Variants in BCL2L14 observed in about 807,000 individuals in gnomAD.
BCL2L14 encodes the protein apoptosis facilitator Bcl-2-like protein 14.
In BCL2L14, 27 loss-of-function variants were observed where a neutral mutation model predicts 35.3. The ratio of observed to expected loss-of-function variants is 0.76; its 90% CI spans 0.56 to 1.05. The LOEUF (loss-of-function observed/expected upper bound fraction) is 1.05. BCL2L14 is among the 50% of genes least tolerant of loss of function. The probability of loss-of-function intolerance (pLI) is 0.00; values close to 1 mark genes in which losing one functional copy is unlikely to be tolerated. For missense variants in BCL2L14, 377 were observed against 382.6 expected (o/e 0.99, Z 0.12); for synonymous variants, 139 against 145.9 (o/e 0.95, Z 0.34).
chr12:12,050,793 TAAAAAA>T (rs3052084), intron 1 of BCL2L14, among the ~76,000 whole-genome samples: 1 of 88,332 alleles, frequency 1.1e-5, no homozygotes, highest in Non-Finnish European at 2.1e-5. Flanking sequence ...GCTGATGAGC[TAAAAAA>T]AAAAAAAAAA....
At chr12:12,087,182 G>C in intron 2 of BCL2L14, 31 bp from the exon 3 acceptor site, 1 of 1,608,180 alleles carries the variant, frequency 6.2e-7, no homozygotes, top group East Asian at 2.2e-5. Context: ...TTCTGGGAAG[G>C]GCCTCTCAGC....
chr12:12,094,908 G>A lies in BCL2L14; in HGVS notation c.923G>A (p.Trp308Ter), dbSNP rs1296807021. ...TKYLKENFSP[W>*]IQQHGGWEKI... The stretch of plus-strand genomic sequence containing the variant: ...TACCTGAAAGAGAACTTCTCGCCAT[G>A]GATCCAGCAGCACGGTGGATGGGTA... The change falls in exon 5 of 6, where the codon TGG becomes TAG. Residue 308 changes from tryptophan (W) to a stop codon, truncating the protein, a stop_gained. Transcript: ENST00000308721. LOFTEE classifies it high-confidence loss of function. 1 of 1,613,772 alleles carries A rather than the reference G, an allele frequency of 6.2e-7. No homozygotes were observed. Among genetic ancestry groups the A allele is most frequent in the East Asian group, 2.2e-5 (1 of 44,880 alleles).
intron 3 of BCL2L14, among the ~76,000 whole-genome samples, chr12:12,089,175 T>C (rs1261324103): frequency 1.3e-5 from 2 of 152,184 alleles, no homozygotes; most frequent in East Asian, 3.9e-4. Context: ...AAGACCAGCC[T>C]GGCCAACATG....
intron 2 of BCL2L14, among the ~76,000 whole-genome samples, chr12:12,062,041 C>T (rs1019288662): frequency 6.6e-6 from 1 of 152,104 alleles, no homozygotes; most frequent in Admixed American, 6.5e-5. Flanking sequence ...GCAGTGGCTG[C>T]TGCCGCCCTA....
intron 2 of BCL2L14, among the ~76,000 whole-genome samples, chr12:12,084,071 A>T (rs1279657957): frequency 6.6e-6 from 1 of 152,190 alleles, no homozygotes; most frequent in Non-Finnish European, 1.5e-5. Flanking sequence ...AAGGAAGCAA[A>T]GGAAGGGCAA....
At position 12,079,565 on chromosome 12, in the gene BCL2L14, G is replaced by T. The variant is rs745802687; in HGVS notation, c.260G>T (p.Gly87Val). Reference protein sequence around the residue: ...SQSSEKAINLGKKKSSWKAFF... With the variant: ...SQSSEKAINLVKKKSSWKAFF... The stretch of plus-strand genomic sequence containing the variant: ...TCCAGTGAGAAGGCCATAAACCTTG[G>T]CAAGAAAAAGTCTTCTTGGAAAGCA... Residue 87 changes from glycine (G) to valine (V), a missense_variant, in exon 2 of 6, where the codon GGC becomes GTC. Coordinates refer to ENST00000308721, the MANE Select transcript of BCL2L14 (RefSeq NM_138723.2). 13 of 1,614,064 alleles carry T rather than the reference G, an allele frequency of 8.1e-6. No individual in the cohort carries two copies. The highest frequency in any genetic ancestry group is 1.7e-5 in the Admixed American group (1 of 59,986).
Position 12,087,486 on chromosome 12 carries a change from T to C in BCL2L14, c.607+100T>C, listed in dbSNP as rs943238998. On this transcript the variant is annotated intron_variant, in intron 3 of 5. Transcript: ENST00000308721. Reference sequence around the variant, plus strand: ...GGCTCGGCAACTTGACAGTCTCCGCTGCCTGGACTGAGGGCTTGACAGCCA... The same window carrying C: ...GGCTCGGCAACTTGACAGTCTCCGCCGCCTGGACTGAGGGCTTGACAGCCA... The C allele has an allele frequency of 3.0e-6, 4 of 1,321,006 alleles. No individual in the cohort carries two copies. The African/African-American group carries it at 5.9e-5, about 19-fold the overall frequency. 81.8% of individuals were successfully genotyped at this position (1,321,006 alleles called of 1,614,324 possible).
chr12:12,060,207 C>T (rs1408557687), intron 2 of BCL2L14, among the ~76,000 whole-genome samples: 1 of 151,448 alleles, frequency 6.6e-6, no homozygotes, highest in African/African-American at 2.4e-5. Flanking sequence ...TAGCCCTCCC[C>T]CTCCTGCCCA....
chr12:12,058,777 G>T lies in BCL2L14; in HGVS notation c.-272+6930G>T, dbSNP rs915144455. 6.6e-4 allele frequency among the ~76,000 whole-genome samples: 101 copies of T among 152,148 alleles called. 8 individuals carry two copies. Among genetic ancestry groups the T allele is most frequent in the Non-Finnish European group, 3.4e-4 (23 of 68,028 alleles). ...TTTGGTGGTCTCTTCACACCGACGC[G>T]CATGAAATTTGGTGCCATGACTCAG... is the stretch of plus-strand genomic sequence containing the variant. On this transcript the variant is annotated intron_variant, in intron 2 of 3. Transcript: ENST00000461264.
chr12:12,057,847 T>TG (rs1948455526), intron 2 of BCL2L14, among the ~76,000 whole-genome samples: 1 of 147,492 alleles, frequency 6.8e-6, no homozygotes, highest in African/African-American at 2.5e-5. Context: ...GTTAGCGTCA[T>TG]GGGCCTTAAA....
chr12:12,059,552 A>G (rs1318577687), intron 2 of BCL2L14, among the ~76,000 whole-genome samples: 1 of 148,332 alleles, frequency 6.7e-6, no homozygotes, highest in Non-Finnish European at 1.5e-5. Context: ...CCTTATTTCC[A>G]TGCCCCAACC....
chr12:12,081,755 C>T (rs1215123850), intron 2 of BCL2L14, among the ~76,000 whole-genome samples: 1 of 152,006 alleles, frequency 6.6e-6, no homozygotes, highest in African/African-American at 2.4e-5. Context: ...GACAGCGTTT[C>T]ACCATGTTGG....
chr12:12,061,099 T>C, intron 2 of BCL2L14, among the ~76,000 whole-genome samples: 1 of 110,418 alleles, frequency 9.1e-6, no homozygotes, highest in African/African-American at 3.6e-5. Flanking sequence ...CAATACTCTT[T>C]TAAGCACTCC....
intron 1 of BCL2L14, among the ~76,000 whole-genome samples, chr12:12,073,267 C>A (rs548544326): frequency 6.6e-6 from 1 of 152,182 alleles, no homozygotes; most frequent in Non-Finnish European, 1.5e-5. Flanking sequence ...GTGGCGGAGG[C>A]CCCCGCTCCC....
At chr12:12,096,352 C>T (rs924798663) in intron 5 of BCL2L14, among the ~76,000 whole-genome samples, 3 of 149,636 alleles carry the variant, frequency 2.0e-5, no homozygotes, top group South Asian at 2.1e-4. Context: ...TGGTTCTACA[C>T]CAAAAGCACA....
At chr12:12,095,596 C>G (rs885636) in intron 5 of BCL2L14, 266,284 of 985,094 alleles carry the variant, frequency 0.27, 36,741 homozygotes, top group East Asian at 0.36. Context: ...AAATGTACTA[C>G]CCCACAACTT....
intron 2 of BCL2L14, among the ~76,000 whole-genome samples, chr12:12,080,151 G>A (rs1948882920): frequency 6.6e-6 from 1 of 151,650 alleles, no homozygotes; most frequent in Admixed American, 6.6e-5. Flanking sequence ...CTTGCAGTGA[G>A]CCAAGATGGC....
chr12:12,099,644 T>C lies in BCL2L14; in HGVS notation c.*656T>C, dbSNP rs551750011. The C allele has an allele frequency of 6.6e-6, 1 of 152,350 alleles. No individual in the cohort carries two copies. Among genetic ancestry groups the C allele is most frequent in the East Asian group, 1.9e-4 (1 of 5,190 alleles). 9.4% of individuals were successfully genotyped at this position (152,350 alleles called of 1,614,324 possible). ...GGGACTTCCTCATTCTTTGTGGTAGTACAATGATTGGTAGCAGGTAAAATA... is the reference window on the plus strand; with the variant it reads ...GGGACTTCCTCATTCTTTGTGGTAGCACAATGATTGGTAGCAGGTAAAATA... On this transcript the variant is annotated 3_prime_UTR_variant, in exon 6 of 6. Coordinates refer to ENST00000308721, the MANE Select transcript of BCL2L14 (RefSeq NM_138723.2).
chr12:12,061,462 C>G (rs1490162765), intron 2 of BCL2L14, among the ~76,000 whole-genome samples: 2 of 151,546 alleles, frequency 1.3e-5, no homozygotes, highest in Non-Finnish European at 2.9e-5. Context: ...ATAAACTCTC[C>G]TTACAATTCC....
Sources: gnomAD v4.1 joint callset for allele counts (sites outside exome capture counted in the v4.1 genomes callset) on GRCh38, gnomAD v4.1.1 for gene constraint, MANE v1.5 for transcripts, NCBI Gene and HGNC (gene_info 2026-07-23, HGNC 2026-07-21) for gene names.